The following SPAG16 variants were observed in gnomAD, a reference collection of about 807,000 sequenced individuals.
SPAG16 encodes sperm-associated antigen 16 protein.
In SPAG16, 86 loss-of-function variants were observed where a neutral mutation model predicts 80.4. The observed-to-expected ratio is 1.07, with a 90% CI of 0.90 to 1.28. The LOEUF (loss-of-function observed/expected upper bound fraction) is 1.28. Among genes scored for constraint, SPAG16 ranks in the 50% most tolerant of loss-of-function variants. SPAG16 has a pLI of 0.00. For missense variants in SPAG16, 870 were observed against 765.3 expected (o/e 1.14, Z -1.61); for synonymous variants, 294 against 265.9 (o/e 1.11, Z -1.03).
chr2:214,405,413 C>T (rs975917348), intron 15 of SPAG16, among the ~76,000 whole-genome samples: 9 of 152,172 alleles, frequency 5.9e-5, no homozygotes, highest in African/African-American at 2.2e-4. Context: ...AGGCATAAAC[C>T]CAGTTGGCCC....
At chr2:213,783,571 T>C (rs2070154359) in intron 10 of SPAG16, among the ~76,000 whole-genome samples, 1 of 112,276 alleles carries the variant, frequency 8.9e-6, no homozygotes, top group South Asian at 3.7e-4. Context: ...ATAGTGAAAA[T>C]TTGGCAACAA....
chr2:214,283,137 G>A (rs1286342559), intron 15 of SPAG16, among the ~76,000 whole-genome samples: 2 of 150,034 alleles, frequency 1.3e-5, no homozygotes, highest in South Asian at 2.1e-4. Context: ...ATTAATAATT[G>A]CAGGGCCCAC....
intron 10 of SPAG16, among the ~76,000 whole-genome samples, chr2:213,609,647 C>T (rs905993634): frequency 2.6e-5 from 4 of 152,006 alleles, no homozygotes; most frequent in Non-Finnish European, 4.4e-5. Context: ...AGGAGCTGTC[C>T]CCTCTGGGCA....
chr2:214,060,114 G>T (rs146542802), intron 13 of SPAG16, among the ~76,000 whole-genome samples: 136 of 152,290 alleles, frequency 8.9e-4, no homozygotes, highest in African/African-American at 3.0e-3. Flanking sequence ...CACAAAGCCA[G>T]TGTGCCCTCT....
chr2:213,889,389 A>C (rs2076690322), intron 11 of SPAG16, among the ~76,000 whole-genome samples: 1 of 151,874 alleles, frequency 6.6e-6, no homozygotes, highest in South Asian at 2.1e-4. Flanking sequence ...TAAAATGCCA[A>C]AGACATATTA....
intron 12 of SPAG16, among the ~76,000 whole-genome samples, chr2:214,004,010 A>G (rs1206193307): frequency 1.3e-5 from 2 of 152,196 alleles, no homozygotes; most frequent in Non-Finnish European, 2.9e-5. Context: ...GAGAGTTGAA[A>G]CACAAAGGTA....
intron 12 of SPAG16, among the ~76,000 whole-genome samples, chr2:213,950,877 T>G (rs2079734630): frequency 1.3e-5 from 2 of 151,528 alleles, no homozygotes; most frequent in African/African-American, 4.9e-5. Context: ...CCCTGCTAAT[T>G]TTGGGGGACC....
In SPAG16 at chr2:214,093,156, G is replaced by C. The variant is rs565835128; in HGVS notation, c.1528-15040G>C. Among the ~76,000 whole-genome samples the C allele has an allele frequency of 3.9e-5, 6 of 151,954 alleles. No individual in the cohort carries two copies. The East Asian group carries it at 1.2e-3, about 29-fold the overall frequency. ...CAGTTACCACCTCTCTGATCCTTTA[G>C]TTCTCTCTTTTAACACTTTCAGCTA... On this transcript the variant is annotated intron_variant, in intron 13 of 15. Transcript: ENST00000331683.
chr2:214,213,545 C>T (rs1436090570), intron 15 of SPAG16, among the ~76,000 whole-genome samples: 2 of 152,150 alleles, frequency 1.3e-5, no homozygotes, highest in African/African-American at 2.4e-5. Context: ...TTATTGTTGA[C>T]ATTTTGAGTT....
chr2:214,139,933 A>G (rs1300996392), intron 14 of SPAG16, among the ~76,000 whole-genome samples: 2 of 152,184 alleles, frequency 1.3e-5, no homozygotes, highest in East Asian at 3.9e-4. Flanking sequence ...ATTGCTAACT[A>G]AAAAATCCCA....
chr2:213,515,808 G>T (rs1575807337), intron 10 of SPAG16, among the ~76,000 whole-genome samples: 2 of 152,138 alleles, frequency 1.3e-5, no homozygotes, highest in African/African-American at 4.8e-5. Context: ...AGCCAGGAAT[G>T]CAAGAGATCT....
intron 11 of SPAG16, 49 bp from the exon 12 acceptor site, chr2:213,929,911 A>C (rs768937271): frequency 6.5e-7 from 1 of 1,548,946 alleles, no homozygotes; most frequent in Admixed American, 1.8e-5. Flanking sequence ...TATTCATAAA[A>C]ATTATGTTAC....
intron 10 of SPAG16, among the ~76,000 whole-genome samples, chr2:213,835,549 T>G (rs1033828709): frequency 6.6e-6 from 1 of 152,152 alleles, no homozygotes; most frequent in African/African-American, 2.4e-5. Context: ...TCTCCCTGGT[T>G]GGATGTCCTG....
At chr2:214,038,283 G>T (rs2048816878) in intron 13 of SPAG16, among the ~76,000 whole-genome samples, 1 of 151,926 alleles carries the variant, frequency 6.6e-6, no homozygotes, top group Non-Finnish European at 1.5e-5. Context: ...ATGTTTCTGT[G>T]TTGTTTGCAT....
intron 10 of SPAG16, among the ~76,000 whole-genome samples, chr2:213,660,587 G>T (rs1484956628): frequency 6.6e-6 from 1 of 152,050 alleles, no homozygotes; most frequent in Admixed American, 6.5e-5. Flanking sequence ...AGGGTAGAAG[G>T]CTGCCCTGCT....
At chr2:214,352,697 T>A (rs1341217881) in intron 15 of SPAG16, among the ~76,000 whole-genome samples, 1 of 152,178 alleles carries the variant, frequency 6.6e-6, no homozygotes, top group Non-Finnish European at 1.5e-5. Context: ...AAAGTATACA[T>A]AAAAAATTCT....
chr2:214,406,410 C>T (rs1172808641), intron 15 of SPAG16, among the ~76,000 whole-genome samples: 2 of 152,118 alleles, frequency 1.3e-5, no homozygotes, highest in Non-Finnish European at 2.9e-5. Flanking sequence ...GTGATTTTTA[C>T]ATCCAGATAA....
chr2:213,446,271 T>G (rs2071305421), intron 9 of SPAG16, among the ~76,000 whole-genome samples: 1 of 152,156 alleles, frequency 6.6e-6, no homozygotes, highest in African/African-American at 2.4e-5. Flanking sequence ...ATGACAGACA[T>G]TGGTTCAGAA....
At chr2:214,330,585 G>T (rs921318206) in intron 15 of SPAG16, among the ~76,000 whole-genome samples, 1 of 152,168 alleles carries the variant, frequency 6.6e-6, no homozygotes. Context: ...TTGATCCTAC[G>T]GAACATCTGG....
Sources: allele counts gnomAD v4.1 joint callset (sites outside exome capture counted in the v4.1 genomes callset), GRCh38; gene constraint gnomAD v4.1.1; transcripts MANE v1.5; gene names NCBI Gene and HGNC (gene_info 2026-07-23, HGNC 2026-07-21).